AXDND1: variants seen among roughly 807,000 people sequenced by gnomAD.
AXDND1 encodes axonemal dynein light chain domain-containing protein 1.
AXDND1 carries 110 observed loss-of-function variants against 137.5 expected under a neutral mutation model. The observed-to-expected ratio is 0.80, with a 90% CI of 0.69 to 0.94. AXDND1 has a LOEUF of 0.94. Ranked by LOEUF, AXDND1 falls within the 40% of genes least tolerant of loss-of-function variation. The pLI is 0.00. For missense variants in AXDND1, 1,191 were observed against 1,169.8 expected (o/e 1.02, Z -0.26); for synonymous variants, 414 against 399.7 (o/e 1.04, Z -0.43).
At chr1:179,377,272 A>G (rs1454713853) in intron 4 of AXDND1, among the ~76,000 whole-genome samples, 3 of 152,178 alleles carry the variant, frequency 2.0e-5, no homozygotes, top group Non-Finnish European at 4.4e-5. Context: ...CTTCACCACT[A>G]GAATCAGTTC....
intron 15 of AXDND1, among the ~76,000 whole-genome samples, chr1:179,443,234 A>C (rs1659260227): frequency 1.3e-5 from 2 of 152,194 alleles, no homozygotes; most frequent in South Asian, 2.1e-4. Context: ...TGGAGCGCTG[A>C]GTTGGTCCCG....
At chr1:179,500,601 C>T (rs537576347) in intron 20 of AXDND1, among the ~76,000 whole-genome samples, 2 of 152,252 alleles carry the variant, frequency 1.3e-5, no homozygotes, top group East Asian at 1.9e-4. Flanking sequence ...GTCAATTCTC[C>T]TCAGGATGCT....
intron 15 of AXDND1, among the ~76,000 whole-genome samples, chr1:179,435,494 T>TA (rs1304146992): frequency 6.6e-6 from 1 of 152,078 alleles, no homozygotes; most frequent in African/African-American, 2.4e-5. Context: ...AAAACAGACA[T>TA]ATAGACCAAT....
At chr1:179,464,674 TG>T (rs1452620253) in intron 16 of AXDND1, among the ~76,000 whole-genome samples, 1 of 152,220 alleles carries the variant, frequency 6.6e-6, no homozygotes, top group Admixed American at 6.5e-5. Context: ...CTTGCTAGGT[TG>T]GGGAAGTTCT....
At chr1:179,405,923 T>C (rs1448589054) in intron 11 of AXDND1, among the ~76,000 whole-genome samples, 2 of 152,126 alleles carry the variant, frequency 1.3e-5, no homozygotes, top group Admixed American at 6.5e-5. Context: ...TTTTGTTTTT[T>C]CTCTCTTTTC....
At chr1:179,554,376 A>G (rs773598807) in intron 25 of AXDND1, 136 bp from the exon 26 acceptor site, 54 of 1,381,480 alleles carry the variant, frequency 3.9e-5, no homozygotes, top group Non-Finnish European at 4.8e-5. Context: ...TGATATGGCT[A>G]TAGTACTCAG....
chr1:179,397,985 G>A (rs1651336851), intron 11 of AXDND1, among the ~76,000 whole-genome samples: 1 of 152,066 alleles, frequency 6.6e-6, no homozygotes, highest in Non-Finnish European at 1.5e-5. Flanking sequence ...AATTCTGTTT[G>A]TGTCATTTCT....
chr1:179,479,867 G>A (rs1020297634), intron 17 of AXDND1, among the ~76,000 whole-genome samples: 4 of 152,320 alleles, frequency 2.6e-5, no homozygotes, highest in African/African-American at 9.6e-5. Context: ...CTCTAAGACA[G>A]GGGCAAAATG....
chr1:179,482,989 C>T (rs888419247), intron 17 of AXDND1, 139 bp from the exon 18 acceptor site: 6 of 503,444 alleles, frequency 1.2e-5, no homozygotes, highest in Admixed American at 1.2e-4. Flanking sequence ...GCTTTGATTC[C>T]CCTTTCCTCA....
In AXDND1 at chr1:179,371,591, G is replaced by A. The variant is rs191062949; in HGVS notation, c.374+1513G>A. ...AATACATACCTCACCTGGGAAAAGG[G>A]ACTTTACAGATATGATGAAAGTAAG... is the stretch of plus-strand genomic sequence containing the variant. On this transcript the variant is annotated intron_variant, in intron 4 of 25. Coordinates refer to ENST00000367618, the MANE Select transcript of AXDND1 (RefSeq NM_144696.6). Among the ~76,000 whole-genome samples the A allele has an allele frequency of 3.0e-4, 46 of 152,244 alleles. 1 individual carries two copies. Among genetic ancestry groups the A allele is most frequent in the Non-Finnish European group, 4.0e-4 (27 of 68,014 alleles).
intron 25 of AXDND1, among the ~76,000 whole-genome samples, chr1:179,535,452 T>G (rs1671452535): frequency 6.6e-6 from 1 of 152,016 alleles, no homozygotes; most frequent in Admixed American, 6.6e-5. Context: ...CAACTCCCAC[T>G]TATGAGTGAG....
chr1:179,489,741 CTTTTTTTTTTTTT>C (rs140787885), intron 18 of AXDND1, among the ~76,000 whole-genome samples: 1 of 101,292 alleles, frequency 9.9e-6, no homozygotes, highest in African/African-American at 3.8e-5. Flanking sequence ...TACTACTTTT[CTTTTTTTTTTTTT>C]TTTTTTTTTG....
intron 12 of AXDND1, among the ~76,000 whole-genome samples, chr1:179,416,540 G>A (rs964435256): frequency 4.6e-5 from 7 of 152,130 alleles, no homozygotes; most frequent in Admixed American, 1.3e-4. Flanking sequence ...CACCAACAGC[G>A]TACAAGTGGA....
At chr1:179,416,362 T>A (rs1466703026) in intron 12 of AXDND1, among the ~76,000 whole-genome samples, 1 of 152,202 alleles carries the variant, frequency 6.6e-6, no homozygotes, top group Non-Finnish European at 1.5e-5. Flanking sequence ...TGATTGCATA[T>A]ATTGGCTATT....
At chr1:179,394,981 G>A in intron 10 of AXDND1, 117 bp from the exon 11 acceptor site, 1 of 755,522 alleles carries the variant, frequency 1.3e-6, no homozygotes, top group Admixed American at 2.7e-5. Context: ...TGGAAAAACT[G>A]GGAAGGGAGG....
chr1:179,475,675 G>C (rs72721228), intron 17 of AXDND1, among the ~76,000 whole-genome samples: 14,093 of 152,202 alleles, frequency 0.093, 922 homozygotes, highest in African/African-American at 0.17. Context: ...GCCTTGCTCA[G>C]ATGAGATGTT....
intron 4 of AXDND1, among the ~76,000 whole-genome samples, chr1:179,371,529 C>T (rs1229391713): frequency 2.0e-5 from 3 of 152,166 alleles, no homozygotes; most frequent in Non-Finnish European, 4.4e-5. Context: ...CCCCTCAACC[C>T]CACGAAAACA....
rs188109697 is a variant in AXDND1 at position 179,389,913 on chromosome 1, G to A, written c.864-3990G>A. Among the ~76,000 whole-genome samples, 17 of 152,214 alleles carry A rather than the reference G, an allele frequency of 1.1e-4. No homozygotes were observed. The East Asian group carries it at 2.9e-3, about 26-fold the overall frequency. ...CTGCCACTTTCAGCCTTAAAGCAAG[G>A]GCTGGATAATTCTTTCTGTCAATGA... On this transcript the variant is annotated intron_variant, in intron 9 of 25. Transcript: ENST00000367618.
chr1:179,482,445 A>G (rs1665532063), intron 17 of AXDND1, among the ~76,000 whole-genome samples: 1 of 152,176 alleles, frequency 6.6e-6, no homozygotes, highest in African/African-American at 2.4e-5. Flanking sequence ...TCAACACCAG[A>G]TAGCTGGAGG....
Sources: allele counts gnomAD v4.1 joint callset (sites outside exome capture counted in the v4.1 genomes callset), GRCh38; gene constraint gnomAD v4.1.1; transcripts MANE v1.5; gene names NCBI Gene and HGNC (gene_info 2026-07-23, HGNC 2026-07-21).